The following FAT1 variants were observed in gnomAD, a reference collection of about 807,000 sequenced individuals.
FAT1 encodes the protein protocadherin Fat 1.
FAT1 carries 171 observed loss-of-function variants against 329.8 expected under a neutral mutation model. The ratio of observed to expected loss-of-function variants is 0.52; its 90% confidence interval spans 0.46 to 0.59. FAT1 has a LOEUF of 0.59. Among genes scored for constraint, FAT1 ranks in the 20% least tolerant of loss-of-function variants. The probability of loss-of-function intolerance (pLI) is 0.00; values close to 1 mark genes in which losing one functional copy is unlikely to be tolerated. For synonymous variants in FAT1, 2,233 were observed against 2,228.6 expected, an observed-to-expected ratio of 1.00 and a Z score of -0.06; for missense variants, 5,672 against 5,774.4, an observed-to-expected ratio of 0.98 and a Z score of 0.57.
chr4:186,708,871 G>A lies in FAT1; in HGVS notation c.957C>T (p.Ala319=). The A allele has an allele frequency of 6.8e-6, 11 of 1,613,924 alleles. No homozygotes were observed. The highest frequency in any genetic ancestry group is 8.5e-6 in the Non-Finnish European group (10 of 1,179,888). ...FPGSKEYKVK[A]IGGIDWDSHP... ...GACTGTCCCAATCAATGCCACCGAT[G>A]GCTTTGACTTTATACTCCTTACTCC... The change falls in exon 2 of 27, where the codon GCC becomes GCT. Residue 319 remains alanine, a synonymous_variant. Coordinates refer to ENST00000441802, the MANE Select transcript of FAT1 (RefSeq NM_005245.4).
Position 186,617,142 on chromosome 4 carries a change from C to A in FAT1, c.8938G>T (p.Val2980Leu), listed in dbSNP as rs761756125. The change falls in exon 11 of 27, where the codon GTG (valine) becomes TTG (leucine). Residue 2980 changes from valine to leucine, a missense_variant. Physicochemically the swap from Val to Leu is conservative, Grantham distance 32. This residue lies in a region of FAT1 where 3,966 missense variants were observed against 3,915.2 expected (regional missense o/e 1.01). Transcript: ENST00000441802. ...ETIQNEWKVY[V>L]KKPLDREKRD... ...TTTTCCCTGTCTAGAGGTTTCTTCA[C>A]ATATACCTTCCATTCATTCTGTATA... 3.1e-6 allele frequency: 5 copies of A among 1,613,634 alleles called. No homozygotes were observed. The highest frequency in any genetic ancestry group is 4.2e-6 in the Non-Finnish European group (5 of 1,179,746).
intron 17 of FAT1, 49 bp from the exon 18 acceptor site, chr4:186,604,623 A>G (rs1335402715): frequency 1.6e-6 from 2 of 1,274,806 alleles, no homozygotes; most frequent in African/African-American, 3.0e-5. Flanking sequence ...GAACACAGCC[A>G]AATCTATATG....
Position 186,636,214 on chromosome 4 carries a change from G to C in FAT1, c.3994C>G (p.Arg1332Gly). Residue 1332 changes from arginine to glycine, a missense_variant, in exon 6 of 27, where the codon CGC (arginine) becomes GGC (glycine). This residue lies in a region of FAT1 where 3,966 missense variants were observed against 3,915.2 expected (regional missense o/e 1.01). Transcript: ENST00000441802. The part of the protein sequence containing the change: ...ILSIKAVDNG[R>G]PQKSSTTRLH... ...CTGGTGGTTGATGACTTTTGAGGGC[G>C]ACCATTGTCAACTGCCTTAATCTAC... 6.2e-7 allele frequency: 1 copy of C among 1,613,954 alleles called. No individual in the cohort carries two copies. Among genetic ancestry groups the C allele is most frequent in the African/African-American group, 1.3e-5 (1 of 75,044 alleles).
Position 186,599,940 on chromosome 4 carries a change from G to C in FAT1, c.12061C>G (p.Pro4021Ala), listed in dbSNP as rs2126409578. 6.2e-7 allele frequency: 1 copy of C among 1,613,886 alleles called. No homozygotes were observed. Among genetic ancestry groups the C allele is most frequent in the Non-Finnish European group, 8.5e-7 (1 of 1,179,850 alleles). ...LTATEDCASN[P>A]CQNGGVCNPS... is the part of the protein sequence containing the mutation. ...TTGCAAACGCCTCCATTCTGGCAAG[G>C]GTTGCTGGCGCAGTCTTCCGTGGCC... The change falls in exon 22 of 27, where the codon CCT becomes GCT. Residue 4021 changes from proline (P) to alanine (A), a missense_variant. Physicochemically the swap from Pro to Ala is conservative, Grantham distance 27. This residue lies in a region of FAT1 where 1,706 missense variants were observed against 1,859.1 expected (regional missense o/e 0.92). Coordinates refer to ENST00000441802, the MANE Select transcript of FAT1 (RefSeq NM_005245.4).
intron 10 of FAT1, 100 bp from the exon 11 acceptor site, chr4:186,617,301 TTTAAAAGAATTGAGTA>T: frequency 1.2e-6 from 1 of 838,388 alleles, no homozygotes; most frequent in Non-Finnish European, 1.7e-6. Flanking sequence ...AATGTTATAG[TTTAAAAGAATTGAGTA>T]TTAAAAGAAT....
intron 26 of FAT1, among the ~76,000 whole-genome samples, chr4:186,593,258 C>CT (rs1738328619): frequency 1.3e-5 from 2 of 152,224 alleles, no homozygotes; most frequent in Admixed American, 6.5e-5. Flanking sequence ...AATTTCTCGT[C>CT]TGTTTGCAGA....
intron 2 of FAT1, among the ~76,000 whole-genome samples, chr4:186,675,596 G>A (rs1333804919): frequency 2.6e-5 from 4 of 151,936 alleles, no homozygotes; most frequent in Non-Finnish European, 4.4e-5. Context: ...GCAAAACCCT[G>A]TCTCTACTAA....
At chr4:186,675,704 T>C (rs535410835) in intron 2 of FAT1, among the ~76,000 whole-genome samples, 1 of 151,614 alleles carries the variant, frequency 6.6e-6, no homozygotes, top group East Asian at 1.9e-4. Flanking sequence ...ACCACACCAC[T>C]GCATTCCAGC....
chr4:186,669,397 C>A (rs927078407), intron 2 of FAT1, among the ~76,000 whole-genome samples: 3 of 152,166 alleles, frequency 2.0e-5, no homozygotes, highest in African/African-American at 7.2e-5. Flanking sequence ...ATTTGGAGCA[C>A]AGGAGACAGG....
intron 3 of FAT1, among the ~76,000 whole-genome samples, chr4:186,653,600 G>C (rs1417592889): frequency 6.6e-6 from 1 of 152,184 alleles, no homozygotes; most frequent in African/African-American, 2.4e-5. Flanking sequence ...AAGCACAGTA[G>C]CTTGTTTTTG....
intron 2 of FAT1, among the ~76,000 whole-genome samples, chr4:186,668,664 C>T (rs1742579733): frequency 1.3e-5 from 2 of 152,206 alleles, no homozygotes; most frequent in South Asian, 2.1e-4. Flanking sequence ...CTTGTTCCTA[C>T]ACTTCATCAT....
intron 3 of FAT1, among the ~76,000 whole-genome samples, chr4:186,652,125 C>T (rs77458482): frequency 0.029 from 4,445 of 152,314 alleles, 87 homozygotes; most frequent in Non-Finnish European, 0.045. Flanking sequence ...GACGTCTCTT[C>T]TGCTTTCAAT....
In FAT1 at chr4:186,613,100, G is replaced by A. The variant is rs377492170; in HGVS notation, c.9463+9C>T. 6.3e-6 allele frequency: 10 copies of A among 1,590,298 alleles called. No homozygotes were observed. The highest frequency in any genetic ancestry group is 3.3e-5 in the Admixed American group (2 of 59,916). ...AGCAGCGTCAGGCAAGAGCATTCCCGGGAGATACCTGCGTCGGCATCTGTG... is the reference window on the plus strand; with the variant it reads ...AGCAGCGTCAGGCAAGAGCATTCCCAGGAGATACCTGCGTCGGCATCTGTG... On this transcript the variant is annotated intron_variant, in intron 13 of 26. Transcript: ENST00000441802.
rs769581017 is a variant in FAT1 at position 186,603,786 on chromosome 4, G to A, written c.10740C>T (p.Tyr3580=). The change falls in exon 19 of 27, where the codon TAC becomes TAT. Residue 3580 remains tyrosine (Y), a synonymous_variant. Coordinates refer to ENST00000441802, the MANE Select transcript of FAT1 (RefSeq NM_005245.4). Reference sequence around the variant, plus strand: ...GGTTGTCCATCTGAGGGTCGAGACTGTAGGTTAGAGTATCATACACGTCCT... The same window carrying A: ...GGTTGTCCATCTGAGGGTCGAGACTATAGGTTAGAGTATCATACACGTCCT... The part of the protein sequence containing the change: ...TDQDVYDTLT[Y]SLDPQMDNLF... The A allele has an allele frequency of 1.9e-6, 3 of 1,613,944 alleles. No homozygotes were observed. Among genetic ancestry groups the A allele is most frequent in the Non-Finnish European group, 2.5e-6 (3 of 1,179,870 alleles).
chr4:186,666,536 T>C (rs1742446791), intron 2 of FAT1, among the ~76,000 whole-genome samples: 1 of 152,228 alleles, frequency 6.6e-6, no homozygotes, highest in South Asian at 2.1e-4. Context: ...TAAAATTCAC[T>C]TGACAGGTGA....
At chr4:186,679,737 T>C (rs187150809) in intron 2 of FAT1, among the ~76,000 whole-genome samples, 1 of 152,342 alleles carries the variant, frequency 6.6e-6, no homozygotes, top group Admixed American at 6.5e-5. Context: ...GTTTAGAAGA[T>C]GATTTTTGAA....
intron 2 of FAT1, among the ~76,000 whole-genome samples, chr4:186,665,952 T>C (rs190496659): frequency 0.011 from 1,661 of 146,380 alleles, 32 homozygotes; most frequent in African/African-American, 0.04. Context: ...AACCAAATAC[T>C]GCATGTTCTC....
In FAT1 at chr4:186,619,687, G is replaced by A. The variant is rs761083769; in HGVS notation, c.6899C>T (p.Thr2300Met). Residue 2300 changes from threonine (T) to methionine (M), a missense_variant, in exon 10 of 27, where the codon ACG becomes ATG. This residue lies in a region of FAT1 where 3,966 missense variants were observed against 3,915.2 expected (regional missense o/e 1.01). Transcript: ENST00000441802. ...GGTGGCTCTAACTTGAACAACAGAC[G>A]TTCCAATTACAGATGCCTCAGACAG... ...VTLSEASVIG[T>M]SVVQVRATDS... 6.2e-6 allele frequency: 10 copies of A among 1,613,882 alleles called. No homozygotes were observed. The highest frequency in any genetic ancestry group is 4.0e-5 in the African/African-American group (3 of 74,942).
Position 186,690,580 on chromosome 4 carries a change from C to T in FAT1, c.3265+15983G>A, listed in dbSNP as rs188859940. ...GGTGTGGTGGCTCACACCTGTAATC[C>T]CAGCTACTTGGGAGACTGAGGTAGG... On this transcript the variant is annotated intron_variant, in intron 2 of 26. Coordinates refer to ENST00000441802, the MANE Select transcript of FAT1 (RefSeq NM_005245.4). 1.4e-3 allele frequency among the ~76,000 whole-genome samples: 216 copies of T among 152,108 alleles called. 1 individual carries two copies. The highest frequency in any genetic ancestry group is 4.7e-3 in the African/African-American group (194 of 41,494).
Sources: allele counts gnomAD v4.1 joint callset (sites outside exome capture counted in the v4.1 genomes callset), GRCh38; gene constraint gnomAD v4.1.1; regional missense constraint gnomAD v4.1.1; transcripts MANE v1.5; gene names NCBI Gene and HGNC (gene_info 2026-07-23, HGNC 2026-07-21).